ZFPM2: variants seen among roughly 807,000 people sequenced by gnomAD.
ZFPM2 encodes zinc finger protein, FOG family member 2, also known as zinc finger protein ZFPM2.
A neutral mutation model predicts 98.6 loss-of-function variants in ZFPM2; 20 were observed. The ratio of observed to expected loss-of-function variants is 0.20; its 90% CI spans 0.14 to 0.29. ZFPM2 has a LOEUF of 0.29. Ranked by LOEUF, ZFPM2 falls within the 10% of genes least tolerant of loss-of-function variation. The pLI, the probability that ZFPM2 is intolerant of heterozygous loss-of-function variation, is 1.00. For synonymous variants in ZFPM2, 518 were observed against 502.7 expected, an observed-to-expected ratio of 1.03 and a Z score of -0.41; for missense variants, 1,310 against 1,388.6, an observed-to-expected ratio of 0.94 and a Z score of 0.90.
chr8:105,802,915 T>C lies in ZFPM2; in HGVS notation c.2833T>C (p.Phe945Leu). The change falls in exon 8 of 8, where the codon TTT becomes CTT. Residue 945 changes from phenylalanine to leucine, a missense_variant. Phe to Leu is a conservative substitution (Grantham distance 22). Transcript: ENST00000407775. ...HLATLQGLKVFSEAAQLIATK... is the reference protein window; with the variant it reads ...HLATLQGLKVLSEAAQLIATK... ...AGCAACCCTGCAAGGCTTGAAGGTC[T>C]TTAGTGAAGCTGCTCAGCTCATTGC... 1 of 1,613,596 alleles carries C rather than the reference T, an allele frequency of 6.2e-7. No homozygotes were observed. The highest frequency in any genetic ancestry group is 2.2e-5 in the East Asian group (1 of 44,834).
intron 1 of ZFPM2, among the ~76,000 whole-genome samples, chr8:105,333,115 AAAC>A (rs932320937): frequency 3.3e-5 from 5 of 151,782 alleles, no homozygotes; most frequent in South Asian, 2.1e-4. Flanking sequence ...AAACAAAGCA[AAAC>A]AACAACAACA....
intron 3 of ZFPM2, among the ~76,000 whole-genome samples, chr8:105,493,004 A>G (rs1437749755): frequency 6.6e-6 from 1 of 152,084 alleles, no homozygotes; most frequent in Non-Finnish European, 1.5e-5. Flanking sequence ...GTTTTGTTAG[A>G]CTCTAAGTTG....
intron 4 of ZFPM2, among the ~76,000 whole-genome samples, chr8:105,565,982 A>G (rs1563722542): frequency 6.6e-6 from 1 of 152,104 alleles, no homozygotes; most frequent in Non-Finnish European, 1.5e-5. Flanking sequence ...CAGATGAGAT[A>G]CCCGGGAGAG....
At chr8:105,681,954 A>G (rs1422016572) in intron 5 of ZFPM2, among the ~76,000 whole-genome samples, 1 of 151,880 alleles carries the variant, frequency 6.6e-6, no homozygotes, top group Non-Finnish European at 1.5e-5. Flanking sequence ...CTCTATCTCC[A>G]TTGTCTGATA....
chr8:105,370,680 TAA>T (rs1810603679), intron 1 of ZFPM2, among the ~76,000 whole-genome samples: 1 of 152,234 alleles, frequency 6.6e-6, no homozygotes, highest in Non-Finnish European at 1.5e-5. Flanking sequence ...CCTCTTTTGA[TAA>T]AGACACTTAT....
intron 3 of ZFPM2, among the ~76,000 whole-genome samples, chr8:105,482,097 A>G (rs1586404237): frequency 6.6e-6 from 1 of 152,298 alleles, no homozygotes; most frequent in South Asian, 2.1e-4. Flanking sequence ...GTATGTTTCC[A>G]TCTTCCATTA....
intron 4 of ZFPM2, among the ~76,000 whole-genome samples, chr8:105,611,349 A>G (rs538051172): frequency 2.0e-5 from 3 of 152,236 alleles, no homozygotes; most frequent in South Asian, 2.1e-4. Flanking sequence ...TGGCATAGCA[A>G]TCATTCATTC....
chr8:105,728,438 A>T (rs1245045485), intron 5 of ZFPM2, among the ~76,000 whole-genome samples: 1 of 151,784 alleles, frequency 6.6e-6, no homozygotes, highest in African/African-American at 2.4e-5. Context: ...TGAAACTGCT[A>T]TCTGGAACGA....
rs1812300335 is a variant in ZFPM2 at position 105,443,328 on chromosome 8, A to AAAAAAAAAAAAC, written c.200-951_200-940dup. On this transcript the variant is annotated intron_variant, in intron 2 of 7. Coordinates refer to ENST00000407775, the MANE Select transcript of ZFPM2 (RefSeq NM_012082.4). Reference sequence around the variant, plus strand: ...ACTCCTTCTCAAAAAACAAAAAACAAAAAAAAAAAAACTTGGCATTATTAA... The same window carrying AAAAAAAAAAAAC: ...ACTCCTTCTCAAAAAACAAAAAACAAAAAAAAAAAAACAAAAAAAAAAACTTGGCATTATTAA... Among the ~76,000 whole-genome samples the AAAAAAAAAAAAC allele has an allele frequency of 1.4e-5, 2 of 146,474 alleles. 1 individual carries two copies. Among genetic ancestry groups the AAAAAAAAAAAAC allele is most frequent in the African/African-American group, 5.1e-5 (2 of 38,958 alleles).
intron 1 of ZFPM2, among the ~76,000 whole-genome samples, chr8:105,379,214 T>C (rs1407833411): frequency 6.6e-6 from 1 of 152,250 alleles, no homozygotes; most frequent in Non-Finnish European, 1.5e-5. Flanking sequence ...ATTTAATTGC[T>C]GTGTATTATT....
chr8:105,414,688 C>A (rs1352149252), intron 1 of ZFPM2, among the ~76,000 whole-genome samples: 1 of 151,724 alleles, frequency 6.6e-6, no homozygotes, highest in African/African-American at 2.4e-5. Flanking sequence ...TTTCTTTAGC[C>A]CCCTGAAATT....
intron 3 of ZFPM2, among the ~76,000 whole-genome samples, chr8:105,505,540 T>A (rs1001110339): frequency 2.0e-5 from 3 of 151,468 alleles, no homozygotes; most frequent in Non-Finnish European, 4.4e-5. Flanking sequence ...AAAACATACT[T>A]TTTTTTTTCT....
intron 4 of ZFPM2, among the ~76,000 whole-genome samples, chr8:105,580,799 T>TTCTCTCTC (rs770366065): frequency 3.5e-5 from 5 of 142,962 alleles, no homozygotes; most frequent in African/African-American, 1.3e-4. Context: ...ATAATCATCA[T>TTCTCTCTC]TCTCTCTCTC....
intron 3 of ZFPM2, among the ~76,000 whole-genome samples, chr8:105,497,623 A>G (rs538551476): frequency 6.6e-6 from 1 of 152,282 alleles, no homozygotes; most frequent in Non-Finnish European, 1.5e-5. Context: ...GTTCACACTG[A>G]AAAAAACATA....
intron 5 of ZFPM2, among the ~76,000 whole-genome samples, chr8:105,751,734 A>G (rs1448931393): frequency 6.6e-6 from 1 of 151,882 alleles, no homozygotes; most frequent in Non-Finnish European, 1.5e-5. Flanking sequence ...ATGGAGGGCT[A>G]CGTTTATGTA....
intron 5 of ZFPM2, among the ~76,000 whole-genome samples, chr8:105,707,033 G>A (rs1220020610): frequency 1.3e-5 from 2 of 152,052 alleles, no homozygotes; most frequent in Non-Finnish European, 2.9e-5. Context: ...TTGAGCTTGG[G>A]AGTTTGAGAA....
At chr8:105,333,663 T>C (rs543113843) in intron 1 of ZFPM2, among the ~76,000 whole-genome samples, 2 of 151,724 alleles carry the variant, frequency 1.3e-5, no homozygotes, top group East Asian at 3.9e-4. Flanking sequence ...AGCAAAAAAT[T>C]CGAAGTCACC....
At chr8:105,646,876 T>G (rs1477321728) in intron 5 of ZFPM2, among the ~76,000 whole-genome samples, 1 of 152,174 alleles carries the variant, frequency 6.6e-6, no homozygotes, top group African/African-American at 2.4e-5. Context: ...CACCTGTCTT[T>G]GCTGAGCCTG....
intron 1 of ZFPM2, among the ~76,000 whole-genome samples, chr8:105,393,337 C>CCTTTCTTT (rs1196120373): frequency 0.065 from 7,415 of 114,406 alleles, 328 homozygotes; most frequent in East Asian, 0.11. Flanking sequence ...TCTCTCTTTG[C>CCTTTCTTT]CTTTCTTTCT....
Sources: gnomAD v4.1 joint callset for allele counts (sites outside exome capture counted in the v4.1 genomes callset) on GRCh38, gnomAD v4.1.1 for gene constraint, MANE v1.5 for transcripts, NCBI Gene and HGNC (gene_info 2026-07-23, HGNC 2026-07-21) for gene names.